The following FRYL variants were observed in gnomAD, a reference collection of about 807,000 sequenced individuals.
FRYL encodes the protein protein furry homolog-like.
A neutral mutation model predicts 351.2 loss-of-function variants in FRYL; 150 were observed. The observed-to-expected ratio is 0.43, with a 90% CI of 0.37 to 0.49. FRYL has a LOEUF of 0.49. Among genes scored for constraint, FRYL ranks in the 20% least tolerant of loss-of-function variants. The pLI is 0.00. For synonymous variants in FRYL, 1,153 were observed against 1,257.1 expected (o/e 0.92, Z 1.75); for missense variants, 3,036 against 3,619.3 (o/e 0.84, Z 4.13).
At chr4:48,665,539 ATATT>A (rs766794121) in intron 3 of FRYL, among the ~76,000 whole-genome samples, 4 of 152,202 alleles carry the variant, frequency 2.6e-5, no homozygotes, top group Non-Finnish European at 4.4e-5. Context: ...AACATAATGC[ATATT>A]TATTTTATTG....
chr4:48,562,781 A>G (rs1179548204), intron 32 of FRYL, 108 bp downstream of exon 32: 1 of 661,398 alleles, frequency 1.5e-6, no homozygotes, highest in Admixed American at 2.8e-5. Context: ...CTTCTTTACT[A>G]TAAATAAAGC....
At chr4:48,695,359 C>T (rs1446062898) in intron 2 of FRYL, among the ~76,000 whole-genome samples, 1 of 152,066 alleles carries the variant, frequency 6.6e-6, no homozygotes, top group Admixed American at 6.6e-5. Context: ...GTGCAAACTA[C>T]GCATATATGT....
chr4:48,771,942 A>C (rs1236872868), intron 1 of FRYL, among the ~76,000 whole-genome samples: 1 of 152,234 alleles, frequency 6.6e-6, no homozygotes, highest in Non-Finnish European at 1.5e-5. Flanking sequence ...ATCAACCCCC[A>C]AAAGCAGACA....
intron 3 of FRYL, among the ~76,000 whole-genome samples, chr4:48,647,393 T>A (rs1215620243): frequency 6.6e-6 from 1 of 152,230 alleles, no homozygotes; most frequent in Admixed American, 6.5e-5. Flanking sequence ...CTGGCCTGTT[T>A]GCGTATTCTC....
intron 3 of FRYL, among the ~76,000 whole-genome samples, chr4:48,655,416 A>G (rs554679708): frequency 2.6e-5 from 4 of 152,150 alleles, no homozygotes; most frequent in African/African-American, 9.6e-5. Flanking sequence ...ATGCTGAATG[A>G]AAAAAGTGCA....
intron 55 of FRYL, chr4:48,520,801 C>T (rs763444856): frequency 2.7e-5 from 10 of 372,202 alleles, no homozygotes; most frequent in Non-Finnish European, 4.3e-5. Flanking sequence ...ACATTAACCT[C>T]ATCATGTTCT....
rs1165416072 is a variant in FRYL, at chr4:48,581,554, A to G, written c.2038T>C (p.Tyr680His). Residue 680 changes from tyrosine (Y) to histidine (H), a missense_variant, in exon 21 of 64, where the codon TAT (tyrosine) becomes CAT (histidine). Around this residue, in one of 7 missense-constraint regions of FRYL, gnomAD observed 492 missense variants for 551.5 expected, o/e 0.89. Coordinates refer to ENST00000358350, the MANE Select transcript of FRYL (RefSeq NM_015030.2). ...TCAACCACATGGAATACATTGGAAT[A>G]TGGGCTCCTTTCCAGAGGAGGGGGA... ...SHPPPLERSP[Y>H]SNVFHVVEGF... 2 of 1,613,628 alleles carry G rather than the reference A, an allele frequency of 1.2e-6. No individual in the cohort carries two copies. The highest frequency in any genetic ancestry group is 1.7e-6 in the Non-Finnish European group (2 of 1,179,850).
At chr4:48,635,087 A>T (rs1753957030) in intron 3 of FRYL, among the ~76,000 whole-genome samples, 1 of 152,174 alleles carries the variant, frequency 6.6e-6, no homozygotes, top group Admixed American at 6.5e-5. Context: ...GTGTGGCTGG[A>T]GCTCAAGGGA....
chr4:48,527,532 T>C lies in FRYL; in HGVS notation c.7262A>G (p.Gln2421Arg). Residue 2421 changes from glutamine (Q) to arginine (R), a missense_variant, in exon 53 of 64, where the codon CAG becomes CGG. By Grantham distance (43) the Gln-to-Arg change is conservative. This residue lies in a region of FRYL where 1,987 missense variants were observed against 2,311.7 expected (regional missense o/e 0.86). Coordinates refer to ENST00000358350, the MANE Select transcript of FRYL (RefSeq NM_015030.2). ...GTCAAAATCCTTAAAAACACCAAAC[T>C]GTTGTTCACTGCTATTATCTTCCAC... ...VAVEDNSSEQ[Q>R]FGVFKDFDFL... 12 of 1,613,250 alleles carry C rather than the reference T, an allele frequency of 7.4e-6. No individual in the cohort carries two copies. The highest frequency in any genetic ancestry group is 1.0e-5 in the Non-Finnish European group (12 of 1,179,454).
intron 16 of FRYL, among the ~76,000 whole-genome samples, chr4:48,591,924 G>GT (rs1743338618): frequency 6.6e-6 from 1 of 151,256 alleles, no homozygotes; most frequent in Admixed American, 6.6e-5. Context: ...CCTTCTTAAT[G>GT]TTTTTTTCTC....
At chr4:48,583,495 T>C (rs1469295342) in intron 19 of FRYL, among the ~76,000 whole-genome samples, 3 of 152,066 alleles carry the variant, frequency 2.0e-5, no homozygotes, top group Non-Finnish European at 4.4e-5. Flanking sequence ...GATGGCTGAT[T>C]GTGAAGAAGG....
At chr4:48,537,623 A>C (rs538167227) in intron 47 of FRYL, among the ~76,000 whole-genome samples, 47 of 152,346 alleles carry the variant, frequency 3.1e-4, no homozygotes, top group African/African-American at 1.1e-3. Flanking sequence ...ACGGAGAGGG[A>C]ACCTTTGTGT....
intron 1 of FRYL, among the ~76,000 whole-genome samples, chr4:48,743,916 T>A (rs1016847675): frequency 4.4e-5 from 6 of 135,206 alleles, no homozygotes; most frequent in Non-Finnish European, 9.4e-5. Flanking sequence ...TTTTAAAAAT[T>A]TAACAATTTA....
chr4:48,547,670 G>C lies in FRYL; in HGVS notation c.4988C>G (p.Ala1663Gly). The C allele has an allele frequency of 1.2e-6, 2 of 1,608,370 alleles. No homozygotes were observed. Residue 1663 changes from alanine to glycine, a missense_variant, in exon 41 of 64, where the codon GCT becomes GGT. Physicochemically the swap from Ala to Gly is moderately conservative, Grantham distance 60. Transcript: ENST00000358350. ...CTCCTTGTTCCTGAGAAGGACAGAA[G>C]CAACAGTTCGGATGTTACTATTGGG... ...MGPNSNIRTV[A>G]SVLLRNKEFN...
chr4:48,739,654 G>A (rs1011017836), intron 1 of FRYL, among the ~76,000 whole-genome samples: 1 of 152,058 alleles, frequency 6.6e-6, no homozygotes, highest in Admixed American at 6.5e-5. Context: ...AGCTGACCTT[G>A]AATTTGGCAA....
Position 48,510,120 on chromosome 4 carries a change from C to A in FRYL, c.8333G>T (p.Gly2778Val), listed in dbSNP as rs1351791597. ...SCGLLETLKF[G>V]VLELQEHLDT... is the part of the protein sequence containing the mutation. ...CAGGTGTTCTTGCAACTCCAAAACA[C>A]CAAACTTGAGTGTTTCCAGCAAACC... The change falls in exon 59 of 64, where the codon GGT becomes GTT. Residue 2778 changes from glycine (G) to valine (V), a missense_variant. By Grantham distance (109) the Gly-to-Val change is moderately radical. Coordinates refer to ENST00000358350, the MANE Select transcript of FRYL (RefSeq NM_015030.2). The A allele has an allele frequency of 1.2e-6, 2 of 1,613,710 alleles. No homozygotes were observed. Among genetic ancestry groups the A allele is most frequent in the Non-Finnish European group, 1.7e-6 (2 of 1,179,686 alleles).
chr4:48,501,434 A>G (rs145768455), intron 62 of FRYL, among the ~76,000 whole-genome samples, 189 bp downstream of exon 62: 12 of 152,332 alleles, frequency 7.9e-5, no homozygotes, highest in East Asian at 5.8e-4. Flanking sequence ...CAACTGCTGG[A>G]TATCTGCTGT....
intron 22 of FRYL, among the ~76,000 whole-genome samples, 155 bp from the exon 23 acceptor site, chr4:48,579,396 A>C (rs1445282880): frequency 1.3e-5 from 2 of 152,182 alleles, no homozygotes; most frequent in Non-Finnish European, 2.9e-5. Context: ...GAATTCCTGA[A>C]ACTGCATGTA....
rs1753825462 is a variant in FRYL, at chr4:48,634,385, T to C, written c.26A>G (p.Asp9Gly). The change falls in exon 4 of 64, where the codon GAT (aspartate) becomes GGT (glycine). Residue 9 changes from aspartate to glycine, a missense_variant. Physicochemically the swap from Asp to Gly is moderately conservative, Grantham distance 94. Coordinates refer to ENST00000358350, the MANE Select transcript of FRYL (RefSeq NM_015030.2). The part of the protein sequence containing the change: MSNITIDP[D>G]VKPGEYVIKS... Reference sequence around the variant, plus strand: ...GATGACATATTCACCAGGTTTGACATCTGGGTCAATCGTAATGTTTGACAT... The same window carrying C: ...GATGACATATTCACCAGGTTTGACACCTGGGTCAATCGTAATGTTTGACAT... 1.2e-6 allele frequency: 2 copies of C among 1,613,058 alleles called. No homozygotes were observed. Among genetic ancestry groups the C allele is most frequent in the Admixed American group, 1.7e-5 (1 of 59,964 alleles).
Sources: allele counts gnomAD v4.1 joint callset (sites outside exome capture counted in the v4.1 genomes callset), GRCh38; gene constraint gnomAD v4.1.1; regional missense constraint gnomAD v4.1.1; transcripts MANE v1.5; gene names NCBI Gene and HGNC (gene_info 2026-07-23, HGNC 2026-07-21).